The following CALD1 variants were observed in gnomAD, a reference collection of about 807,000 sequenced individuals.
CALD1 encodes caldesmon 1, also known as caldesmon.
CALD1 carries 33 observed loss-of-function variants against 99.9 expected under a neutral mutation model. The observed-to-expected ratio is 0.33, with a 90% CI of 0.25 to 0.44. The LOEUF is 0.44. CALD1 is among the 20% of genes least tolerant of loss of function. CALD1 has a pLI of 1.00. For missense variants in CALD1, 861 were observed against 962.1 expected, an observed-to-expected ratio of 0.89 and a Z score of 1.39; for synonymous variants, 310 against 325.0, an observed-to-expected ratio of 0.95 and a Z score of 0.50.
chr7:134,933,923 A>G lies in CALD1; in HGVS notation c.1154A>G (p.Glu385Gly). The change falls in exon 5 of 15, where the codon GAG becomes GGG. Residue 385 changes from glutamate to glycine, a missense_variant. Physicochemically the swap from Glu to Gly is moderately conservative, Grantham distance 98 (BLOSUM62 -2). Around this residue, in one of 5 missense-constraint regions of CALD1, gnomAD observed 293 missense variants for 262.7 expected, o/e 1.12. Coordinates refer to ENST00000361675, the MANE Select transcript of CALD1 (RefSeq NM_033138.4). ...GAGGAAGAGAAGGCTAAGGTAGAAG[A>G]GCAGAAACGTAACAAGCAGCTAGAA... ...AEEEEKAKVE[E>G]QKRNKQLEEK... is the part of the protein sequence containing the mutation. 6.2e-7 allele frequency: 1 copy of G among 1,614,034 alleles called. No homozygotes were observed. The highest frequency in any genetic ancestry group is 8.5e-7 in the Non-Finnish European group (1 of 1,179,934).
At chr7:134,802,932 C>T (rs1370705671) in intron 1 of CALD1, among the ~76,000 whole-genome samples, 1 of 152,202 alleles carries the variant, frequency 6.6e-6, no homozygotes, top group African/African-American at 2.4e-5. Context: ...ATTGCTGAGT[C>T]TAATGTACAT....
At chr7:134,798,791 T>C (rs1378359811) in intron 1 of CALD1, among the ~76,000 whole-genome samples, 1 of 152,242 alleles carries the variant, frequency 6.6e-6, no homozygotes, top group Non-Finnish European at 1.5e-5. Context: ...AAGAATCTTT[T>C]TAATTCAATC....
chr7:134,808,858 T>C (rs1382581633), intron 1 of CALD1, among the ~76,000 whole-genome samples: 7 of 152,236 alleles, frequency 4.6e-5, no homozygotes, highest in African/African-American at 1.7e-4. Context: ...TTAATTTACA[T>C]ATATTGTCTG....
chr7:134,732,553 T>C, the CALD1 span, among the ~76,000 whole-genome samples: 1 of 151,848 alleles, frequency 6.6e-6, no homozygotes, highest in East Asian at 1.9e-4. Context: ...CATCAGACAC[T>C]GGATCTGCCA....
intron 3 of CALD1, among the ~76,000 whole-genome samples, chr7:134,878,522 T>A (rs1801453049): frequency 6.6e-6 from 1 of 152,018 alleles, no homozygotes; most frequent in South Asian, 2.1e-4. Context: ...TGAGCCGAGA[T>A]CGCACCACTG....
chr7:134,878,206 CCAGACTCT>C, intron 3 of CALD1, among the ~76,000 whole-genome samples: 1 of 152,276 alleles, frequency 6.6e-6, no homozygotes, highest in East Asian at 1.9e-4. Flanking sequence ...AAGATTCTCT[CCAGACTCT>C]CAGGTAAAGG....
At chr7:134,914,569 C>T (rs906902863) in intron 3 of CALD1, among the ~76,000 whole-genome samples, 3 of 152,154 alleles carry the variant, frequency 2.0e-5, no homozygotes, top group African/African-American at 7.2e-5. Context: ...CTCAGTTCTT[C>T]GAAGCCATCT....
intron 8 of CALD1, among the ~76,000 whole-genome samples, chr7:134,949,858 G>A (rs757099123): frequency 1.3e-5 from 2 of 151,480 alleles, no homozygotes; most frequent in African/African-American, 2.4e-5. Context: ...AAGAAGAATT[G>A]CCTTGGGCCA....
chr7:134,877,136 G>C (rs1801388878), intron 3 of CALD1, among the ~76,000 whole-genome samples: 1 of 152,166 alleles, frequency 6.6e-6, no homozygotes. Flanking sequence ...TCTTGTTGCT[G>C]TTTTTCTGCT....
intron 1 of CALD1, among the ~76,000 whole-genome samples, chr7:134,769,306 A>C (rs1260724255): frequency 6.6e-6 from 1 of 152,194 alleles, no homozygotes; most frequent in Non-Finnish European, 1.5e-5. Flanking sequence ...AGATGTGCAT[A>C]CTGAAAGTCA....
intron 1 of CALD1, among the ~76,000 whole-genome samples, chr7:134,773,984 C>T (rs1042470713): frequency 2.0e-5 from 3 of 152,020 alleles, no homozygotes; most frequent in South Asian, 2.1e-4. Flanking sequence ...GCCTGGCCAA[C>T]ATGGGGAAAC....
At position 134,808,041 on chromosome 7, in the gene CALD1, CAAAT is replaced by C. The variant is rs532914041; in HGVS notation, c.-130+28294_-130+28297del. On this transcript the variant is annotated intron_variant, in intron 1 of 14. Coordinates refer to ENST00000361675, the MANE Select transcript of CALD1 (RefSeq NM_033138.4). Reference sequence around the variant, plus strand: ...AGACTAAATTCTGCCACACATGAAACAAATAGGCATAAAAACAATTACAAAGCCT... The same window carrying C: ...AGACTAAATTCTGCCACACATGAAACAGGCATAAAAACAATTACAAAGCCT... 2.0e-5 allele frequency among the ~76,000 whole-genome samples: 3 copies of C among 151,778 alleles called. No homozygotes were observed. The South Asian group carries it at 6.2e-4, about 31-fold the overall frequency.
intron 1 of CALD1, among the ~76,000 whole-genome samples, chr7:134,807,481 A>T (rs1798190393): frequency 6.6e-6 from 1 of 151,446 alleles, no homozygotes. Context: ...CCCTCACCCC[A>T]CTCCCCCAGG....
At chr7:134,930,748 G>T (rs570747737) in intron 4 of CALD1, among the ~76,000 whole-genome samples, 1 of 152,254 alleles carries the variant, frequency 6.6e-6, no homozygotes, top group South Asian at 2.1e-4. Flanking sequence ...TCCAAAAAAT[G>T]CTGCTAAACT....
chr7:134,826,865 A>C (rs1269960627), intron 1 of CALD1, among the ~76,000 whole-genome samples: 3 of 151,990 alleles, frequency 2.0e-5, no homozygotes, highest in South Asian at 2.1e-4. Context: ...CCTCAGTCCA[A>C]CCTCTACCTG....
At chr7:134,868,343 T>C (rs1800900864) in intron 3 of CALD1, 1 of 152,352 alleles carries the variant, frequency 6.6e-6, no homozygotes, top group Non-Finnish European at 1.5e-5. Flanking sequence ...CTGGAAGCTG[T>C]TAATGTCGTG....
intron 1 of CALD1, among the ~76,000 whole-genome samples, chr7:134,747,452 G>C (rs895098267): frequency 2.0e-5 from 3 of 152,166 alleles, no homozygotes; most frequent in East Asian, 3.8e-4. Flanking sequence ...GCCAAGGAAG[G>C]GTGGACTATG....
At chr7:134,790,082 G>GGAGA (rs56962467) in intron 1 of CALD1, among the ~76,000 whole-genome samples, 5,020 of 142,242 alleles carry the variant, frequency 0.035, 120 homozygotes, top group Non-Finnish European at 0.053. Context: ...AAAGAAATAA[G>GGAGA]GAGAGAGAGA....
At chr7:134,891,722 T>C (rs577062522) in intron 3 of CALD1, 6 of 1,149,548 alleles carry the variant, frequency 5.2e-6, no homozygotes. Context: ...TTTTTTTTTT[T>C]ATAAAAAACA....
Sources: gnomAD v4.1 joint callset for allele counts (sites outside exome capture counted in the v4.1 genomes callset) on GRCh38, gnomAD v4.1.1 for gene constraint, gnomAD v4.1.1 regional missense constraint, MANE v1.5 for transcripts, NCBI Gene and HGNC (gene_info 2026-07-23, HGNC 2026-07-21) for gene names.